Variants in SLC25A36 observed in about 807,000 individuals in gnomAD.
SLC25A36 encodes the protein epididymis secretory sperm binding protein.
A neutral mutation model predicts 35.3 loss-of-function variants in SLC25A36; 24 were observed. That is an observed-to-expected ratio of 0.68 (90% CI 0.49 to 0.96). The LOEUF is 0.96. SLC25A36 is among the 40% of genes least tolerant of loss of function. The pLI, the probability that SLC25A36 is intolerant of heterozygous loss-of-function variation, is 0.00. For synonymous variants in SLC25A36, 141 were observed against 132.2 expected (o/e 1.07, Z -0.46); for missense variants, 294 against 381.1 (o/e 0.77, Z 1.90).
chr3:140,961,449 G>T (rs1934623890), intron 3 of SLC25A36, among the ~76,000 whole-genome samples: 1 of 151,898 alleles, frequency 6.6e-6, no homozygotes, highest in Non-Finnish European at 1.5e-5. Flanking sequence ...ATAAACAATG[G>T]TTCAGTAAAC....
At chr3:140,946,253 T>TA (rs957892780) in intron 1 of SLC25A36, among the ~76,000 whole-genome samples, 6 of 152,310 alleles carry the variant, frequency 3.9e-5, no homozygotes, top group African/African-American at 1.4e-4. Flanking sequence ...TGATGAATCT[T>TA]ACTGAGATGA....
intron 1 of SLC25A36, among the ~76,000 whole-genome samples, chr3:140,954,317 T>G (rs887213798): frequency 1.2e-4 from 19 of 152,232 alleles, no homozygotes; most frequent in African/African-American, 4.3e-4. Context: ...TTGTTCCCAG[T>G]TTTTAGCTAT....
intron 1 of SLC25A36, among the ~76,000 whole-genome samples, chr3:140,950,087 C>A (rs1433344752): frequency 2.6e-5 from 4 of 151,820 alleles, no homozygotes; most frequent in African/African-American, 7.3e-5. Context: ...TTTCCTTTTT[C>A]TTTACATCCT....
At chr3:140,951,664 T>G (rs1934327684) in intron 1 of SLC25A36, among the ~76,000 whole-genome samples, 1 of 151,892 alleles carries the variant, frequency 6.6e-6, no homozygotes, top group Admixed American at 6.6e-5. Flanking sequence ...TGTGTGTGTG[T>G]GTGTATTTTC....
chr3:140,963,323 G>A lies in SLC25A36; in HGVS notation c.385+96G>A, dbSNP rs918148184. 4 of 770,918 alleles carry A rather than the reference G, an allele frequency of 5.2e-6. No homozygotes were observed. The African/African-American group carries it at 5.6e-5, about 11-fold the overall frequency. 47.8% of individuals were successfully genotyped at this position (770,918 alleles called of 1,614,324 possible). A position where few individuals can be genotyped will look rare whatever the true frequency, so the allele number is the denominator to read the frequency against. On this transcript the variant is annotated intron_variant, in intron 4 of 6. Transcript: ENST00000324194. Reference sequence around the variant, plus strand: ...TTGTAGTGAAAAGTTGATGATTAATGTGCTTTTCATTGATTAGATGATTTT... The same window carrying A: ...TTGTAGTGAAAAGTTGATGATTAATATGCTTTTCATTGATTAGATGATTTT...
chr3:140,944,357 C>T (rs533997564), intron 1 of SLC25A36, among the ~76,000 whole-genome samples: 4 of 152,258 alleles, frequency 2.6e-5, no homozygotes, highest in East Asian at 1.9e-4. Context: ...ATGCATAACT[C>T]GTGCTTTCTT....
Position 140,959,557 on chromosome 3 carries a change from ATTGTTT to A in SLC25A36, c.284+18_284+23del. On this transcript the variant is annotated intron_variant, in intron 3 of 6. Transcript: ENST00000324194. ...CCCTTCCAGGTAAAAAAAAAAAAAAATTGTTTAAAGCAAGTTATGGCAATCTCTTTT... is the reference window on the plus strand; with the variant it reads ...CCCTTCCAGGTAAAAAAAAAAAAAAAAAAGCAAGTTATGGCAATCTCTTTT... 6 of 1,274,362 alleles carry A rather than the reference ATTGTTT, an allele frequency of 4.7e-6. No individual in the cohort carries two copies. The highest frequency in any genetic ancestry group is 6.3e-6 in the Non-Finnish European group (6 of 957,292). 78.9% of individuals were successfully genotyped at this position (1,274,362 alleles called of 1,614,324 possible). A position where few individuals can be genotyped will look rare whatever the true frequency, so the allele number is the denominator to read the frequency against.
In SLC25A36 at chr3:140,942,103, C is replaced by T. The variant is rs751282168; in HGVS notation, c.41+8C>T. 9.9e-6 allele frequency: 14 copies of T among 1,408,208 alleles called. No homozygotes were observed. Among genetic ancestry groups the T allele is most frequent in the Non-Finnish European group, 1.3e-5 (14 of 1,049,358 alleles). 87.2% of individuals were successfully genotyped at this position (1,408,208 alleles called of 1,614,324 possible). On this transcript the variant is annotated splice_region_variant and intron_variant, in intron 1 of 6. Transcript: ENST00000324194. Reference sequence around the variant, plus strand: ...GCATCTGTTTGCCGGAGGGTAAGGTCCTGGCGGGGCGTGCGCACTGGGGCT... The same window carrying T: ...GCATCTGTTTGCCGGAGGGTAAGGTTCTGGCGGGGCGTGCGCACTGGGGCT...
chr3:140,958,218 T>A (rs1257838635), intron 2 of SLC25A36, among the ~76,000 whole-genome samples: 1 of 152,212 alleles, frequency 6.6e-6, no homozygotes, highest in Admixed American at 6.5e-5. Context: ...GATAGATGTT[T>A]GAGAACTACT....
chr3:140,964,542 A>T (rs376971021), intron 4 of SLC25A36: 4 of 151,976 alleles, frequency 2.6e-5, no homozygotes, highest in East Asian at 1.9e-4. Context: ...ATTTTTACAG[A>T]TGTTGAATAT....
At position 140,978,348 on chromosome 3, in the gene SLC25A36, GAGA is replaced by G. The variant is rs1353422287; in HGVS notation, c.*1898_*1900del. On this transcript the variant is annotated 3_prime_UTR_variant, in exon 7 of 7. Transcript: ENST00000324194. ...AAAACCGGTTTGTAACAAATCTGTA[GAGA>G]AGGTCTGAATCTATCGTGTTTGCCT... 1 of 152,162 alleles carries G rather than the reference GAGA, an allele frequency of 6.6e-6. No homozygotes were observed. The highest frequency in any genetic ancestry group is 2.4e-5 in the African/African-American group (1 of 41,450). 9.4% of individuals were successfully genotyped at this position (152,162 alleles called of 1,614,324 possible). A position where few individuals can be genotyped will look rare whatever the true frequency, so the allele number is the denominator to read the frequency against.
At position 140,976,576 on chromosome 3, in the gene SLC25A36, G is replaced by A; in HGVS notation, c.*123G>A. The A allele has an allele frequency of 1.4e-6, 1 of 736,250 alleles. No homozygotes were observed. The highest frequency in any genetic ancestry group is 2.9e-5 in the East Asian group (1 of 34,170). The allele number at this position is 736,250 out of a possible 1,614,324, so 45.6% of individuals were successfully genotyped here. A position where few individuals can be genotyped will look rare whatever the true frequency, so the allele number is the denominator to read the frequency against. On this transcript the variant is annotated 3_prime_UTR_variant, in exon 7 of 7. Transcript: ENST00000324194. ...TTGGGAACATGTAACTATTCTAAGT[G>A]GAAGTTTTGTTGTAGGAATTATAGT...
intron 3 of SLC25A36, among the ~76,000 whole-genome samples, chr3:140,960,720 G>A (rs1934605516): frequency 6.6e-6 from 1 of 152,246 alleles, no homozygotes. Context: ...CATCTAAAAG[G>A]ATGGGCATGG....
chr3:140,976,426 A>G lies in SLC25A36; in HGVS notation c.909A>G (p.Glu303=). The G allele has an allele frequency of 1.2e-6, 2 of 1,613,056 alleles. No homozygotes were observed. The highest frequency in any genetic ancestry group is 1.7e-5 in the Admixed American group (1 of 59,768). The change falls in exon 7 of 7, where the codon GAA becomes GAG. Residue 303 remains glutamate, a synonymous_variant. Coordinates refer to ENST00000324194, the MANE Select transcript of SLC25A36 (RefSeq NM_001104647.3). ...CAGCCATTATGATGGCCACCTATGA[A>G]TTGGTGGTTTACCTACTCAATGGAT... ...PNTAIMMATY[E]LVVYLLNG
chr3:140,963,432 G>T, intron 4 of SLC25A36: 1 of 443,958 alleles, frequency 2.3e-6, no homozygotes, highest in Non-Finnish European at 3.9e-6. Context: ...TTACATGCTA[G>T]GGTACAAGTA....
intron 2 of SLC25A36, among the ~76,000 whole-genome samples, chr3:140,957,924 G>A (rs7643287): frequency 0.29 from 44,063 of 151,450 alleles, 11,254 homozygotes; most frequent in African/African-American, 0.7. Context: ...CTTCACAGGA[G>A]CTTTAGTAAT....
intron 1 of SLC25A36, among the ~76,000 whole-genome samples, chr3:140,947,351 A>C (rs1341359709): frequency 1.3e-5 from 2 of 151,816 alleles, no homozygotes; most frequent in African/African-American, 4.8e-5. Context: ...ACATTCCCTC[A>C]GCCTATTTTG....
In SLC25A36 at chr3:140,978,203, G is replaced by C. The variant is rs912409135; in HGVS notation, c.*1750G>C. 6.6e-6 allele frequency: 1 copy of C among 152,032 alleles called. No homozygotes were observed. Among genetic ancestry groups the C allele is most frequent in the Non-Finnish European group, 1.5e-5 (1 of 68,002 alleles). 9.4% of individuals were successfully genotyped at this position (152,032 alleles called of 1,614,324 possible). ...TGGATGTTTTTGAGGTGCTCAATTG[G>C]AATAAAAATATTCCAATCTATTTGG... On this transcript the variant is annotated 3_prime_UTR_variant, in exon 7 of 7. Transcript: ENST00000324194.
intron 1 of SLC25A36, among the ~76,000 whole-genome samples, chr3:140,944,655 CAAAT>C (rs898349130): frequency 6.6e-6 from 1 of 152,078 alleles, no homozygotes; most frequent in African/African-American, 2.4e-5. Flanking sequence ...GATATTGTCT[CAAAT>C]AGGAGCTATA....
Sources: allele counts gnomAD v4.1 joint callset (sites outside exome capture counted in the v4.1 genomes callset), GRCh38; gene constraint gnomAD v4.1.1; transcripts MANE v1.5; gene names NCBI Gene and HGNC (gene_info 2026-07-23, HGNC 2026-07-21).